Variants in CACNB2 observed in about 807,000 individuals in gnomAD.
The protein encoded by CACNB2 is calcium voltage-gated channel auxiliary subunit beta 2.
CACNB2 carries 42 observed loss-of-function variants against 73.3 expected under a neutral mutation model. The observed-to-expected ratio is 0.57, with a 90% CI of 0.45 to 0.74. The LOEUF is 0.74. CACNB2 is among the 30% of genes least tolerant of loss of function. The pLI is 0.00. For missense variants in CACNB2, 940 were observed against 853.0 expected (o/e 1.10, Z -1.27); for synonymous variants, 348 against 310.3 (o/e 1.12, Z -1.28).
chr10:18,249,386 C>G (rs2036996682), intron 2 of CACNB2, among the ~76,000 whole-genome samples: 2 of 150,164 alleles, frequency 1.3e-5, no homozygotes, highest in South Asian at 2.2e-4. Context: ...ACCTCCTATT[C>G]CAAGAAAAAA....
chr10:18,472,954 C>G (rs79926121), intron 3 of CACNB2, among the ~76,000 whole-genome samples: 2,234 of 152,268 alleles, frequency 0.015, 55 homozygotes, highest in African/African-American at 0.05. Flanking sequence ...GATGCAAAAT[C>G]AAATTTGAGC....
chr10:18,291,914 T>A (rs1472259700), intron 2 of CACNB2, among the ~76,000 whole-genome samples: 5 of 152,200 alleles, frequency 3.3e-5, no homozygotes, highest in Non-Finnish European at 7.3e-5. Context: ...AATATCTTTG[T>A]AAGTGTTAGA....
At chr10:18,391,789 A>G (rs909232885) in intron 2 of CACNB2, among the ~76,000 whole-genome samples, 5 of 151,788 alleles carry the variant, frequency 3.3e-5, no homozygotes, top group African/African-American at 9.7e-5. Context: ...TTAGTTGGGC[A>G]TGGTGGTGCG....
chr10:18,158,807 T>C (rs967179007), intron 2 of CACNB2, among the ~76,000 whole-genome samples: 1 of 152,186 alleles, frequency 6.6e-6, no homozygotes, highest in Non-Finnish European at 1.5e-5. Context: ...TTGGCATGGA[T>C]GGGTAGAACA....
rs189340163 is a variant in CACNB2 at position 18,525,891 on chromosome 10, A to C, written c.945-1697A>C. Reference sequence around the variant, plus strand: ...TTTCTATTATCATGTTACTTCCAAAAGCTCTTATTCTAAGTCTTTAAATAG... The same window carrying C: ...TTTCTATTATCATGTTACTTCCAAACGCTCTTATTCTAAGTCTTTAAATAG... On this transcript the variant is annotated intron_variant, in intron 9 of 13. Transcript: ENST00000324631. Among the ~76,000 whole-genome samples, 574 of 152,228 alleles carry C rather than the reference A, an allele frequency of 3.8e-3. 15 individuals carry two copies. In the Middle Eastern group the frequency reaches 0.088, roughly 23 times the overall value.
At chr10:18,445,180 TA>T (rs1454703246) in intron 3 of CACNB2, among the ~76,000 whole-genome samples, 1 of 152,228 alleles carries the variant, frequency 6.6e-6, no homozygotes, top group African/African-American at 2.4e-5. Context: ...AGTTCATTAT[TA>T]AAGTTGTTTG....
intron 2 of CACNB2, among the ~76,000 whole-genome samples, chr10:18,386,036 A>T (rs577116596): frequency 4.7e-4 from 71 of 152,318 alleles, no homozygotes; most frequent in Non-Finnish European, 8.2e-4. Flanking sequence ...AGTTTTGATA[A>T]ATTCTACCAA....
chr10:18,276,068 C>G (rs540854561), intron 2 of CACNB2, among the ~76,000 whole-genome samples: 9 of 152,262 alleles, frequency 5.9e-5, no homozygotes, highest in African/African-American at 2.2e-4. Context: ...ATAGTAATCT[C>G]AAATAATAAC....
chr10:18,158,350 C>T (rs1044159618), intron 2 of CACNB2, among the ~76,000 whole-genome samples: 9 of 152,158 alleles, frequency 5.9e-5, no homozygotes, highest in African/African-American at 2.2e-4. Context: ...AAGTGTTAAA[C>T]ATAACCTCTA....
intron 2 of CACNB2, among the ~76,000 whole-genome samples, chr10:18,315,499 TAAAAAA>T (rs756721525): frequency 1.5e-4 from 6 of 39,510 alleles, no homozygotes; most frequent in South Asian, 1.8e-3. Flanking sequence ...TGTCTCTATT[TAAAAAA>T]AAAAAAAAAA....
At chr10:18,211,750 A>G (rs914454547) in intron 2 of CACNB2, among the ~76,000 whole-genome samples, 2 of 152,214 alleles carry the variant, frequency 1.3e-5, no homozygotes, top group African/African-American at 4.8e-5. Flanking sequence ...TTTATCAGTA[A>G]TGTTACACAT....
intron 2 of CACNB2, among the ~76,000 whole-genome samples, chr10:18,230,446 G>T (rs1308530212): frequency 6.6e-6 from 1 of 152,014 alleles, no homozygotes; most frequent in Non-Finnish European, 1.5e-5. Context: ...ATAGACCATG[G>T]TATGATTGGA....
chr10:18,318,758 G>GA (rs1336774305), intron 2 of CACNB2, among the ~76,000 whole-genome samples: 3 of 151,904 alleles, frequency 2.0e-5, no homozygotes, highest in African/African-American at 7.2e-5. Context: ...AAATTTACAA[G>GA]AAAAAAACAA....
intron 2 of CACNB2, among the ~76,000 whole-genome samples, chr10:18,334,758 C>T (rs2040936881): frequency 1.3e-5 from 2 of 152,096 alleles, no homozygotes; most frequent in African/African-American, 2.4e-5. Context: ...GTCAAAATCA[C>T]CCCCATTCGA....
At chr10:18,172,453 C>A (rs1335032832) in intron 2 of CACNB2, among the ~76,000 whole-genome samples, 1 of 152,106 alleles carries the variant, frequency 6.6e-6, no homozygotes, top group Non-Finnish European at 1.5e-5. Flanking sequence ...CCCTGAGATG[C>A]CATTTGATTG....
At chr10:18,245,465 G>A (rs982103162) in intron 2 of CACNB2, among the ~76,000 whole-genome samples, 1 of 152,024 alleles carries the variant, frequency 6.6e-6, no homozygotes, top group African/African-American at 2.4e-5. Flanking sequence ...GGACTTACAG[G>A]CATGCACCAT....
intron 2 of CACNB2, among the ~76,000 whole-genome samples, chr10:18,313,758 T>C (rs1310350085): frequency 6.6e-6 from 1 of 152,194 alleles, no homozygotes; most frequent in Non-Finnish European, 1.5e-5. Flanking sequence ...GCTTTTTCGG[T>C]TTGTCGCTGG....
chr10:18,442,963 T>TAAGGA (rs2046515952), intron 3 of CACNB2, among the ~76,000 whole-genome samples: 1 of 27,950 alleles, frequency 3.6e-5, no homozygotes, highest in Non-Finnish European at 5.3e-5. Flanking sequence ...TATATGTATA[T>TAAGGA]ATATATGTGT....
chr10:18,391,269 T>C (rs1381762671), intron 2 of CACNB2, among the ~76,000 whole-genome samples: 1 of 152,236 alleles, frequency 6.6e-6, no homozygotes, highest in African/African-American at 2.4e-5. Flanking sequence ...ATATTTATCA[T>C]CCGTTCATCA....
Sources: allele counts gnomAD v4.1 joint callset (sites outside exome capture counted in the v4.1 genomes callset), GRCh38; gene constraint gnomAD v4.1.1; transcripts MANE v1.5; gene names NCBI Gene and HGNC (gene_info 2026-07-23, HGNC 2026-07-21).